The following DDX60L variants were observed in gnomAD, a reference collection of about 807,000 sequenced individuals.
The protein encoded by DDX60L is DExD/H-box 60 like.
In DDX60L, 191 loss-of-function variants were observed where a neutral mutation model predicts 211.6. The observed-to-expected ratio is 0.90, with a 90% CI of 0.80 to 1.02. The LOEUF is 1.02. DDX60L is among the 50% of genes least tolerant of loss of function. The pLI is 0.00. For synonymous variants in DDX60L, 706 were observed against 694.1 expected (o/e 1.02, Z -0.27); for missense variants, 2,007 against 1,984.1 (o/e 1.01, Z -0.22).
chr4:168,357,972 A>C lies in DDX60L; in HGVS notation c.*175T>G. The C allele has an allele frequency of 1.8e-6, 1 of 551,016 alleles. No homozygotes were observed. Among genetic ancestry groups the C allele is most frequent in the Non-Finnish European group, 3.1e-6 (1 of 321,424 alleles). 34.1% of individuals were successfully genotyped at this position (551,016 alleles called of 1,614,324 possible). A position where few individuals can be genotyped will look rare whatever the true frequency, so the allele number is the denominator to read the frequency against. The stretch of plus-strand genomic sequence containing the variant: ...TGCCAAAAATGAAGTTAAAGCTCAG[A>C]TATATTACATAACTTAAAGTCATTC... On this transcript the variant is annotated 3_prime_UTR_variant, in exon 38 of 38. Transcript: ENST00000682922.
intron 22 of DDX60L, among the ~76,000 whole-genome samples, chr4:168,412,105 G>A (rs1003359333): frequency 6.6e-6 from 1 of 151,958 alleles, no homozygotes; most frequent in Non-Finnish European, 1.5e-5. Flanking sequence ...GTGGCCGTGT[G>A]CCTGGGGTGA....
intron 8 of DDX60L, among the ~76,000 whole-genome samples, chr4:168,449,358 C>T (rs547922682): frequency 1.8e-4 from 27 of 146,850 alleles, no homozygotes; most frequent in Admixed American, 1.2e-3. Context: ...AGTAAACTAT[C>T]GCAAGATCAA....
At position 168,384,627 on chromosome 4, in the gene DDX60L, C is replaced by T; in HGVS notation, c.4101G>A (p.Glu1367=). ...AGCACGGTACCTTTGCCTTGGCATC[C>T]TCTGGGTCATCTCCCTTGGAAGCCA... ...MLLASKGDDP[E]DAKAKVLSVL... is the part of the protein sequence containing the mutation. Residue 1367 remains glutamate (E), a synonymous_variant, in exon 30 of 38, where the codon GAG becomes GAA. Coordinates refer to ENST00000682922, the MANE Select transcript of DDX60L (RefSeq NM_001012967.3). 6.2e-7 allele frequency: 1 copy of T among 1,613,976 alleles called. No individual in the cohort carries two copies. Among genetic ancestry groups the T allele is most frequent in the Non-Finnish European group, 8.5e-7 (1 of 1,179,950 alleles).
intron 28 of DDX60L, among the ~76,000 whole-genome samples, chr4:168,392,570 G>C (rs1164724021): frequency 3.3e-5 from 5 of 152,168 alleles, no homozygotes; most frequent in African/African-American, 1.2e-4. Context: ...CTGGCCAAGT[G>C]TAGTGGCTCA....
intron 35 of DDX60L, 77 bp downstream of exon 35, chr4:168,373,589 T>C (rs1240078381): frequency 9.6e-6 from 14 of 1,452,424 alleles, no homozygotes; most frequent in Middle Eastern, 3.6e-4. Context: ...TTTGAGGTCC[T>C]ATCAAGGCTT....
At chr4:168,425,211 T>C (rs1432278701) in intron 14 of DDX60L, among the ~76,000 whole-genome samples, 2 of 152,230 alleles carry the variant, frequency 1.3e-5, no homozygotes, top group African/African-American at 4.8e-5. Flanking sequence ...TTCCTATCTC[T>C]GTTAATAGCT....
chr4:168,366,771 T>C (rs1273106367), intron 36 of DDX60L, among the ~76,000 whole-genome samples: 1 of 151,930 alleles, frequency 6.6e-6, no homozygotes, highest in East Asian at 1.9e-4. Context: ...TATGATTCCA[T>C]CATAAAAACC....
intron 8 of DDX60L, among the ~76,000 whole-genome samples, chr4:168,449,652 CAAAAAAAAAAAAAGAAA>C (rs1278075854): frequency 5.0e-4 from 4 of 7,936 alleles, no homozygotes. Context: ...AAAAAAAATG[CAAAAAAAAAAAAAGAAA>C]AAAGAAAAAA....
chr4:168,470,827 C>A, intron 4 of DDX60L: 1 of 248,180 alleles, frequency 4.0e-6, no homozygotes, highest in South Asian at 3.9e-5. Context: ...GCAAAAAGAG[C>A]GAAACTCCAT....
intron 26 of DDX60L, among the ~76,000 whole-genome samples, chr4:168,396,880 G>A (rs983799962): frequency 1.3e-5 from 2 of 152,110 alleles, no homozygotes; most frequent in African/African-American, 2.4e-5. Context: ...GAAGGGCTAC[G>A]GAAGTTGTTT....
chr4:168,456,105 C>T lies in DDX60L; in HGVS notation c.771G>A (p.Ser257=), dbSNP rs772422090. The T allele has an allele frequency of 1.0e-5, 16 of 1,594,098 alleles. No homozygotes were observed. The highest frequency in any genetic ancestry group is 7.1e-5 in the Admixed American group (4 of 56,188). Residue 257 remains serine, a synonymous_variant, in exon 7 of 38, where the codon TCG becomes TCA. Transcript: ENST00000682922. ...FLLQHLWSEG[S]DIQRVLCVTS... ...TGACACAGAGAACACGCTGGATGTC[C>T]GATCCTTCTGACCATAGGTGCTGAA... is the stretch of plus-strand genomic sequence containing the variant.
At position 168,416,816 on chromosome 4, in the gene DDX60L, T is replaced by C; in HGVS notation, c.2611-19A>G. ...AATGGACCTAGTAAAGAAAAAAAAA[T>C]CAGTTGAAAAGTTGATGTCAAAATC... On this transcript the variant is annotated intron_variant, in intron 19 of 37. Coordinates refer to ENST00000682922, the MANE Select transcript of DDX60L (RefSeq NM_001012967.3). 1 of 1,328,462 alleles carries C rather than the reference T, an allele frequency of 7.5e-7. No homozygotes were observed. The highest frequency in any genetic ancestry group is 1.0e-6 in the Non-Finnish European group (1 of 959,030). The allele number at this position is 1,328,462 out of a possible 1,614,324, so 82.3% of individuals were successfully genotyped here.
chr4:168,466,376 C>A (rs1416286734), intron 4 of DDX60L, among the ~76,000 whole-genome samples: 3 of 152,058 alleles, frequency 2.0e-5, no homozygotes, highest in African/African-American at 7.2e-5. Context: ...TGGAAATTAT[C>A]ACAATAGAGA....
Position 168,432,363 on chromosome 4 carries a change from G to A in DDX60L, c.1516+92C>T, listed in dbSNP as rs116376431. ...AGATAGATCTCATTCAAAATAGAACGTGTTTACAATGTAATATCTTTTCAC... is the reference window on the plus strand; with the variant it reads ...AGATAGATCTCATTCAAAATAGAACATGTTTACAATGTAATATCTTTTCAC... On this transcript the variant is annotated intron_variant, in intron 12 of 37. Coordinates refer to ENST00000682922, the MANE Select transcript of DDX60L (RefSeq NM_001012967.3). The A allele has an allele frequency of 4.3e-3, 1,665 of 383,164 alleles. 31 individuals carry two copies. The highest frequency in any genetic ancestry group is 0.032 in the African/African-American group (1,485 of 45,886). The allele number at this position is 383,164 out of a possible 1,614,324, so 23.7% of individuals were successfully genotyped here.
chr4:168,402,325 A>G (rs1746978716), intron 25 of DDX60L, among the ~76,000 whole-genome samples: 1 of 152,090 alleles, frequency 6.6e-6, no homozygotes, highest in East Asian at 1.9e-4. Context: ...TGACAGCATT[A>G]AATGATTCTT....
intron 4 of DDX60L, 115 bp downstream of exon 4, chr4:168,471,632 T>C: frequency 1.2e-6 from 1 of 806,810 alleles, no homozygotes. Context: ...TGTTAACCTG[T>C]CTTTTTATAT....
Position 168,378,639 on chromosome 4 carries a change from A to AT in DDX60L, c.4364-165dup, listed in dbSNP as rs902290432. 7.9e-5 allele frequency among the ~76,000 whole-genome samples: 12 copies of AT among 151,934 alleles called. No homozygotes were observed. In the South Asian group the frequency reaches 1.9e-3, roughly 24 times the overall value. ...TATTTGCAATACTATGTGCACATTT[A>AT]TTTTTTTGGGTAAGACAGGAGATTT... On this transcript the variant is annotated intron_variant, in intron 32 of 37. Transcript: ENST00000682922.
chr4:168,418,989 A>G (rs1173611162), intron 19 of DDX60L, among the ~76,000 whole-genome samples: 1 of 152,226 alleles, frequency 6.6e-6, no homozygotes, highest in Non-Finnish European at 1.5e-5. Flanking sequence ...ACATATCTAT[A>G]GAATCTCTCT....
At position 168,422,662 on chromosome 4, in the gene DDX60L, A is replaced by G. The variant is rs1750822111; in HGVS notation, c.2106T>C (p.Asp702=). Residue 702 remains aspartate (D), a synonymous_variant, in exon 16 of 38, where the codon GAT becomes GAC. Transcript: ENST00000682922. ...TCGAATATTTCTTCTTATTTTTGTC[A>G]TCTCCTATCTGTTATTTTAATATAT... is the stretch of plus-strand genomic sequence containing the variant. ...ANSLDPTLIG[D]DKNKKKYSID... is the part of the protein sequence containing the mutation. The G allele has an allele frequency of 6.3e-7, 1 of 1,586,856 alleles. No homozygotes were observed. Among genetic ancestry groups the G allele is most frequent in the African/African-American group, 1.3e-5 (1 of 74,200 alleles).
Sources: gnomAD v4.1 joint callset for allele counts (sites outside exome capture counted in the v4.1 genomes callset) on GRCh38, gnomAD v4.1.1 for gene constraint, MANE v1.5 for transcripts, NCBI Gene and HGNC (gene_info 2026-07-23, HGNC 2026-07-21) for gene names.